DDX5: variants seen among roughly 807,000 people sequenced by gnomAD.
The protein encoded by DDX5 is DEAD-box helicase 5.
A neutral mutation model predicts 68.6 loss-of-function variants in DDX5; 6 were observed. The observed-to-expected ratio is 0.09, with a 90% CI of 0.05 to 0.17. The LOEUF (loss-of-function observed/expected upper bound fraction) is 0.17, where lower values mean the gene tolerates loss of function less well. Ranked by LOEUF, DDX5 falls within the 10% of genes least tolerant of loss-of-function variation. The pLI, the probability that DDX5 is intolerant of heterozygous loss-of-function variation, is 1.00. For synonymous variants in DDX5, 350 were observed against 247.0 expected (o/e 1.42, Z -3.91); for missense variants, 499 against 756.1 (o/e 0.66, Z 3.99).
At chr17:64,503,948 A>G (rs373122797) in intron 4 of DDX5, 35 bp downstream of exon 4, 66 of 1,613,908 alleles carry the variant, frequency 4.1e-5, no homozygotes, top group East Asian at 6.7e-5. Context: ...TTTCTTGCAT[A>G]TATCAGATCA....
At position 64,505,070 on chromosome 17, in the gene DDX5, C is replaced by T. The variant is rs2038406321; in HGVS notation, c.45-228G>A. 1.5e-5 allele frequency: 6 copies of T among 413,300 alleles called. 1 individual carries two copies. The South Asian group carries it at 4.0e-4, about 27-fold the overall frequency. The allele number at this position is 413,300 out of a possible 1,614,324, so 25.6% of individuals were successfully genotyped here. ...GTCATGTAAACAGCCTGGGATTTAT[C>T]ATGTCGGAAGCCGGGGATTTATCAT... is the stretch of plus-strand genomic sequence containing the variant. On this transcript the variant is annotated intron_variant, in intron 1 of 12. Transcript: ENST00000225792.
In DDX5 at chr17:64,504,842, C is replaced by G; in HGVS notation, c.45G>C (p.Gly15=). 9 of 1,590,566 alleles carry G rather than the reference C, an allele frequency of 5.7e-6. No individual in the cohort carries two copies. The highest frequency in any genetic ancestry group is 7.7e-6 in the Non-Finnish European group (9 of 1,173,574). Residue 15 remains glycine, a splice_region_variant and synonymous_variant, in exon 2 of 13, where the codon GGG becomes GGC. Coordinates refer to ENST00000225792, the MANE Select transcript of DDX5 (RefSeq NM_004396.5). The stretch of plus-strand genomic sequence containing the variant: ...TTCCTCCAAATCGAGGTGCACCAAA[C>G]CTGGAATGAAAAAAAACGTTATTCA... The part of the protein sequence containing the change: ...SSDRDRGRDR[G]FGAPRFGGSR...
At chr17:64,505,928 T>C (rs1479063956) in intron 1 of DDX5, 148 bp downstream of exon 1, 2 of 1,533,938 alleles carry the variant, frequency 1.3e-6, no homozygotes, top group African/African-American at 2.7e-5. Context: ...GACGTGAATA[T>C]CAAAATGGCG....
At chr17:64,505,419 A>G (rs2038440374) in intron 1 of DDX5, 8 of 540,558 alleles carry the variant, frequency 1.5e-5, no homozygotes, top group African/African-American at 3.8e-5. Context: ...GAAAAAAGAA[A>G]AGGAGGAGCC....
chr17:64,499,865 A>G lies in DDX5; in HGVS notation c.*58T>C. 6.9e-7 allele frequency: 1 copy of G among 1,446,622 alleles called. No homozygotes were observed. Among genetic ancestry groups the G allele is most frequent in the African/African-American group, 1.4e-5 (1 of 70,858 alleles). 89.6% of individuals were successfully genotyped at this position (1,446,622 alleles called of 1,614,324 possible). On this transcript the variant is annotated 3_prime_UTR_variant, in exon 13 of 13. Transcript: ENST00000225792. Reference sequence around the variant, plus strand: ...TTCTTAAATAACTATCTTGTCAGATAACACACAATATAAAGAGCAATTATG... The same window carrying G: ...TTCTTAAATAACTATCTTGTCAGATGACACACAATATAAAGAGCAATTATG...
intron 12 of DDX5, 86 bp from the exon 13 acceptor site, chr17:64,500,412 G>A (rs1438823391): frequency 2.0e-6 from 3 of 1,535,820 alleles, no homozygotes; most frequent in East Asian, 2.3e-5. Context: ...ATTCATGGTA[G>A]GCGTGAAATG....
chr17:64,503,494 G>A lies in DDX5; in HGVS notation c.585C>T (p.Arg195=), dbSNP rs138407943. The A allele has an allele frequency of 1.2e-6, 2 of 1,614,232 alleles. No homozygotes were observed. Among genetic ancestry groups the A allele is most frequent in the East Asian group, 2.2e-5 (1 of 44,886 alleles). ...QVAAEYCRAC[R]LKSTCIYGGA... is the part of the protein sequence containing the mutation. ...CACCGTAGATACAAGTAGACTTCAA[G>A]CGACATGCTCTACAATATTCAGCAG... Residue 195 remains arginine, a synonymous_variant, in exon 6 of 13, where the codon CGC becomes CGT. Transcript: ENST00000225792.
chr17:64,506,607 C>T, upstream of DDX5: 1 of 385,888 alleles, frequency 2.6e-6, no homozygotes, highest in Non-Finnish European at 4.8e-6. Context: ...GTTTACGTCT[C>T]CAAAGAGCCC....
intron 1 of DDX5, chr17:64,505,722 A>T (rs1555672210): frequency 6.5e-7 from 1 of 1,535,766 alleles, no homozygotes; most frequent in African/African-American, 1.4e-5. Flanking sequence ...GGCCACCCCA[A>T]AAACACCTCC....
At chr17:64,506,008 G>T in intron 1 of DDX5, 68 bp downstream of exon 1, 2 of 1,542,812 alleles carry the variant, frequency 1.3e-6, no homozygotes, top group South Asian at 2.4e-5. Flanking sequence ...GCCCCCGCCG[G>T]CCGCCACCCT....
At chr17:64,505,440 G>C in intron 1 of DDX5, 1 of 550,488 alleles carries the variant, frequency 1.8e-6, no homozygotes, top group Non-Finnish European at 3.2e-6. Flanking sequence ...GGCGACTACC[G>C]GGGGAGGAGT....
intron 12 of DDX5, 44 bp downstream of exon 12, chr17:64,500,505 G>T: frequency 6.4e-7 from 1 of 1,572,672 alleles, no homozygotes; most frequent in South Asian, 1.1e-5. Flanking sequence ...TGTAGACAAC[G>T]ATGTGACTCG....
Position 64,504,812 on chromosome 17 carries a change from C to T in DDX5, c.75G>A (p.Arg25=). 6.2e-7 allele frequency: 1 copy of T among 1,603,480 alleles called. No individual in the cohort carries two copies. Among genetic ancestry groups the T allele is most frequent in the East Asian group, 2.2e-5 (1 of 44,808 alleles). The stretch of plus-strand genomic sequence containing the variant: ...ACTTCTTTCCAGATAAGGGCCCTGC[C>T]CTACTTCCTCCAAATCGAGGTGCAC... The part of the protein sequence containing the change: ...GFGAPRFGGS[R]AGPLSGKKFG... The change falls in exon 2 of 13, where the codon AGG becomes AGA. Residue 25 remains arginine, a synonymous_variant. Coordinates refer to ENST00000225792, the MANE Select transcript of DDX5 (RefSeq NM_004396.5).
chr17:64,502,253 ACT>A (rs2038315205), intron 9 of DDX5, 30 bp from the exon 10 acceptor site: 1 of 1,612,296 alleles, frequency 6.2e-7, no homozygotes. Flanking sequence ...GTGTTATTAA[ACT>A]CACATTGAAA....
chr17:64,505,915 T>C (rs1324162819), intron 1 of DDX5, 161 bp downstream of exon 1: 3 of 1,534,286 alleles, frequency 2.0e-6, no homozygotes, highest in Non-Finnish European at 1.7e-6. Flanking sequence ...TTCCAATCAC[T>C]GTGACGTGAA....
At chr17:64,502,854 A>C in intron 8 of DDX5, 72 bp downstream of exon 8, 1 of 1,423,336 alleles carries the variant, frequency 7.0e-7, no homozygotes, top group Non-Finnish European at 9.4e-7. Flanking sequence ...AAAACAACTC[A>C]CCAAACAATG....
rs782362185 is a variant in DDX5, at chr17:64,499,928, G to A, written c.1840C>T (p.Gln614Ter). 2 of 1,591,306 alleles carry A rather than the reference G, an allele frequency of 1.3e-6. No homozygotes were observed. Among genetic ancestry groups the A allele is most frequent in the South Asian group, 2.3e-5 (2 of 88,190 alleles). The change falls in exon 13 of 13, where the codon CAA becomes TAA. Residue 614 changes from glutamine to a stop codon, truncating the protein, a stop_gained. Coordinates refer to ENST00000225792, the MANE Select transcript of DDX5 (RefSeq NM_004396.5). LOFTEE classifies it high-confidence loss of function. ...TTACATATACTTCTAAAGTCTTATT[G>A]GGAATATCCTGTTGGCATTGGATAA... ...IGYPMPTGYSQ is the reference protein window; with the variant it reads ...IGYPMPTGYS
Position 64,500,247 on chromosome 17 carries a change from G to A in DDX5, c.1521C>T (p.Thr507=), listed in dbSNP as rs782704842. Residue 507 remains threonine (T), a synonymous_variant, in exon 13 of 13, where the codon ACC becomes ACT. Coordinates refer to ENST00000225792, the MANE Select transcript of DDX5 (RefSeq NM_004396.5). ...TGTCATAATTTTCCCTGTCTCTAAA[G>A]GTATTAAATCCACCCCTTTTGCCCG... ...YSAGKRGGFN[T]FRDRENYDRG... 1.9e-6 allele frequency: 3 copies of A among 1,614,124 alleles called. No individual in the cohort carries two copies. Among genetic ancestry groups the A allele is most frequent in the East Asian group, 2.2e-5 (1 of 44,878 alleles).
intron 10 of DDX5, 43 bp downstream of exon 10, chr17:64,502,119 T>C (rs2038311642): frequency 1.2e-6 from 2 of 1,613,658 alleles, no homozygotes; most frequent in South Asian, 2.2e-5. Context: ...GAATTCTAGC[T>C]AGGTTAAGTA....
Sources: gnomAD v4.1 joint callset for allele counts on GRCh38, gnomAD v4.1.1 for gene constraint, MANE v1.5 for transcripts, NCBI Gene and HGNC (gene_info 2026-07-23, HGNC 2026-07-21) for gene names.